Variants in PIK3C2G observed in about 807,000 individuals in gnomAD.
PIK3C2G encodes the protein phosphatidylinositol-4-phosphate 3-kinase catalytic subunit type 2 gamma, also known as phosphatidylinositol 3-kinase C2 domain-containing subunit gamma.
Under a neutral mutation model 181.1 loss-of-function variants are expected in PIK3C2G, and 168 were observed. The ratio of observed to expected loss-of-function variants is 0.93; its 90% confidence interval spans 0.82 to 1.05. The LOEUF (loss-of-function observed/expected upper bound fraction) is 1.05. Ranked by LOEUF, PIK3C2G falls within the 50% of genes least tolerant of loss-of-function variation. PIK3C2G has a pLI of 0.00. For missense variants in PIK3C2G, 1,869 were observed against 1,732.8 expected (o/e 1.08, Z -1.40); for synonymous variants, 573 against 592.2 (o/e 0.97, Z 0.47).
intron 1 of PIK3C2G, among the ~76,000 whole-genome samples, chr12:18,248,465 C>A (rs10840994): frequency 0.49 from 74,278 of 151,472 alleles, 18,859 homozygotes; most frequent in East Asian, 0.75. Context: ...CCCAGCTACT[C>A]GGGAGGCTGA....
chr12:18,254,484 T>C (rs899669265), intron 1 of PIK3C2G, among the ~76,000 whole-genome samples: 1 of 152,032 alleles, frequency 6.6e-6, no homozygotes, highest in Non-Finnish European at 1.5e-5. Flanking sequence ...ATATATTTTA[T>C]TATAATTTTT....
intron 20 of PIK3C2G, 104 bp downstream of exon 20, chr12:18,491,662 C>A: frequency 1.6e-6 from 1 of 633,958 alleles, no homozygotes; most frequent in Non-Finnish European, 2.8e-6. Flanking sequence ...GTTGACACTG[C>A]AATTATTTTA....
At chr12:18,702,485 ATAAAG>A in the PIK3C2G span, among the ~76,000 whole-genome samples, 4 of 152,130 alleles carry the variant, frequency 2.6e-5, no homozygotes, top group African/African-American at 7.2e-5. Flanking sequence ...AATCTGGGTT[ATAAAG>A]TAAAGTTCTT....
intron 24 of PIK3C2G, among the ~76,000 whole-genome samples, chr12:18,525,247 C>T (rs1185651342): frequency 6.6e-6 from 1 of 151,778 alleles, no homozygotes; most frequent in Admixed American, 6.6e-5. Flanking sequence ...AAAAAATTAG[C>T]TGGGCATAGT....
chr12:18,672,857 G>A, the PIK3C2G span, among the ~76,000 whole-genome samples: 5 of 152,138 alleles, frequency 3.3e-5, no homozygotes, highest in African/African-American at 1.2e-4. Flanking sequence ...CTACTACCTA[G>A]GCAGAGGGCA....
intron 24 of PIK3C2G, among the ~76,000 whole-genome samples, chr12:18,527,276 T>G (rs1008959736): frequency 6.6e-6 from 1 of 152,202 alleles, no homozygotes; most frequent in Non-Finnish European, 1.5e-5. Flanking sequence ...TACAAATGTC[T>G]CCTAAACATA....
At chr12:18,445,904 A>G (rs574044038) in intron 18 of PIK3C2G, among the ~76,000 whole-genome samples, 4 of 152,198 alleles carry the variant, frequency 2.6e-5, no homozygotes, top group Non-Finnish European at 5.9e-5. Flanking sequence ...AATGGATACA[A>G]AAGAAACTAG....
At chr12:18,368,112 C>T (rs886441832) in intron 12 of PIK3C2G, among the ~76,000 whole-genome samples, 8 of 152,144 alleles carry the variant, frequency 5.3e-5, no homozygotes, top group Non-Finnish European at 1.2e-4. Flanking sequence ...CCAGGTGCCT[C>T]TCTCAACACC....
intron 28 of PIK3C2G, among the ~76,000 whole-genome samples, 188 bp from the exon 29 acceptor site, chr12:18,566,761 C>T (rs1391575249): frequency 2.0e-5 from 3 of 151,850 alleles, no homozygotes; most frequent in Non-Finnish European, 2.9e-5. Context: ...TATTAATGAC[C>T]ATTAATATGG....
chr12:18,548,361 C>T (rs773683485), intron 26 of PIK3C2G, among the ~76,000 whole-genome samples: 68 of 152,074 alleles, frequency 4.5e-4, no homozygotes, highest in Non-Finnish European at 8.8e-4. Flanking sequence ...ACTATTAGTC[C>T]CTCCTGAAAA....
the PIK3C2G span, chr12:18,719,291 A>G: frequency 4.4e-6 from 2 of 452,940 alleles, no homozygotes; most frequent in Non-Finnish European, 7.5e-6. Flanking sequence ...GATATGTACA[A>G]GTAAAAATTT....
chr12:18,626,060 T>C (rs1949083388), intron 31 of PIK3C2G, among the ~76,000 whole-genome samples: 1 of 149,812 alleles, frequency 6.7e-6, no homozygotes, highest in Non-Finnish European at 1.5e-5. Context: ...ATCATTTTGT[T>C]ACTAACTGTA....
At chr12:18,479,476 C>A (rs1397148139) in intron 18 of PIK3C2G, among the ~76,000 whole-genome samples, 1 of 152,150 alleles carries the variant, frequency 6.6e-6, no homozygotes, top group Non-Finnish European at 1.5e-5. Context: ...ATCACAATAT[C>A]CTCCCTCATC....
chr12:18,676,010 T>TAA, the PIK3C2G span, among the ~76,000 whole-genome samples: 1 of 151,224 alleles, frequency 6.6e-6, no homozygotes, highest in East Asian at 2.0e-4. Flanking sequence ...TGAATCTATT[T>TAA]AAAAAAAAAC....
intron 31 of PIK3C2G, among the ~76,000 whole-genome samples, chr12:18,628,099 T>G (rs1949183216): frequency 6.6e-6 from 1 of 152,120 alleles, no homozygotes; most frequent in Non-Finnish European, 1.5e-5. Flanking sequence ...TGAATCAATA[T>G]AGGATCGTGA....
chr12:18,627,167 A>G (rs1053214505), intron 31 of PIK3C2G, among the ~76,000 whole-genome samples: 1 of 151,182 alleles, frequency 6.6e-6, no homozygotes, highest in Non-Finnish European at 1.5e-5. Context: ...GAAAATTTCT[A>G]TTGCATTTTT....
chr12:18,637,333 A>T (rs1949647247), intron 31 of PIK3C2G, among the ~76,000 whole-genome samples: 1 of 151,900 alleles, frequency 6.6e-6, no homozygotes, highest in African/African-American at 2.4e-5. Flanking sequence ...AAGTCTAGGA[A>T]TTAATTGAGA....
rs555970534 is a variant in PIK3C2G, at chr12:18,646,730, T to C, written c.4309-1146T>C. 3.3e-5 allele frequency among the ~76,000 whole-genome samples: 5 copies of C among 152,238 alleles called. No individual in the cohort carries two copies. The South Asian group carries it at 6.2e-4, about 19-fold the overall frequency. ...ATATGAAATTCCTTTTCTAAATGTG[T>C]TCTAAGACATTTCCCTGGTAACCAT... On this transcript the variant is annotated intron_variant, in intron 32 of 32. Transcript: ENST00000538779.
At chr12:18,348,143 A>T (rs1398640162) in intron 11 of PIK3C2G, among the ~76,000 whole-genome samples, 2 of 151,988 alleles carry the variant, frequency 1.3e-5, no homozygotes, top group African/African-American at 4.8e-5. Flanking sequence ...AATACAGATA[A>T]AGCTATATGT....
Sources: allele counts gnomAD v4.1 joint callset (sites outside exome capture counted in the v4.1 genomes callset), GRCh38; gene constraint gnomAD v4.1.1; transcripts MANE v1.5; gene names NCBI Gene and HGNC (gene_info 2026-07-23, HGNC 2026-07-21).